Variants in CNTNAP5 observed in about 807,000 individuals in gnomAD.
The protein encoded by CNTNAP5 is contactin associated protein family member 5, also known as contactin-associated protein-like 5.
In CNTNAP5, 72 loss-of-function variants were observed where a neutral mutation model predicts 150.2. The observed-to-expected ratio is 0.48, with a 90% CI of 0.40 to 0.58. The LOEUF (loss-of-function observed/expected upper bound fraction) is 0.58, where lower values mean the gene tolerates loss of function less well. CNTNAP5 is among the 20% of genes least tolerant of loss of function. CNTNAP5 has a pLI of 0.00. For synonymous variants in CNTNAP5, 672 were observed against 619.8 expected (o/e 1.08, Z -1.25); for missense variants, 1,636 against 1,626.2 (o/e 1.01, Z -0.10).
intron 3 of CNTNAP5, among the ~76,000 whole-genome samples, chr2:124,346,019 A>C (rs1466621668): frequency 6.6e-6 from 1 of 152,144 alleles, no homozygotes; most frequent in African/African-American, 2.4e-5. Context: ...CAGTGAGGTG[A>C]GATTCTAAAA....
chr2:124,607,226 T>C (rs1243065286), intron 11 of CNTNAP5, among the ~76,000 whole-genome samples: 2 of 152,138 alleles, frequency 1.3e-5, no homozygotes, highest in Non-Finnish European at 2.9e-5. Flanking sequence ...GGTGGTTCTG[T>C]CTTGGTCTCT....
chr2:124,828,446 A>C (rs1202444057), intron 19 of CNTNAP5, among the ~76,000 whole-genome samples: 9 of 152,084 alleles, frequency 5.9e-5, no homozygotes, highest in Admixed American at 5.9e-4. Flanking sequence ...GTGCCACTGC[A>C]CTCCAGCCTG....
At position 124,434,535 on chromosome 2, in the gene CNTNAP5, A is replaced by T. The variant is rs954089107; in HGVS notation, c.581A>T (p.Asn194Ile). The part of the protein sequence containing the change: ...DGRSSLLYRF[N>I]QKLMSTLKDV... ...CGAAGCTCACTTCTGTACAGGTTCA[A>T]TCAGAAGTTGATGAGTACTCTCAAA... The change falls in exon 5 of 24, where the codon AAT becomes ATT. Residue 194 changes from asparagine (N) to isoleucine (I), a missense_variant. Coordinates refer to ENST00000682447, the MANE Select transcript of CNTNAP5 (RefSeq NM_001367498.1). The T allele has an allele frequency of 6.2e-7, 1 of 1,613,984 alleles. No individual in the cohort carries two copies. Among genetic ancestry groups the T allele is most frequent in the Non-Finnish European group, 8.5e-7 (1 of 1,179,838 alleles).
Position 124,447,012 on chromosome 2 carries a change from C to T in CNTNAP5, c.918+75C>T, listed in dbSNP as rs1014091874. ...CGCAGCAAGAAAATCAGTGAGCAGA[C>T]CAACTGAGAGAAGTGGTGGGGCACT... On this transcript the variant is annotated intron_variant, in intron 6 of 23. Coordinates refer to ENST00000682447, the MANE Select transcript of CNTNAP5 (RefSeq NM_001367498.1). 132 of 1,430,368 alleles carry T rather than the reference C, an allele frequency of 9.2e-5. 1 individual carries two copies. In the Admixed American group the frequency reaches 2.3e-3, roughly 25 times the overall value. 88.6% of individuals were successfully genotyped at this position (1,430,368 alleles called of 1,614,324 possible).
At chr2:124,199,529 C>T (rs1267088769) in intron 1 of CNTNAP5, among the ~76,000 whole-genome samples, 6 of 151,124 alleles carry the variant, frequency 4.0e-5, no homozygotes, top group African/African-American at 1.5e-4. Context: ...GATTCTCCTG[C>T]CTCAGCCTCC....
At chr2:124,801,526 A>G (rs182450911) in intron 19 of CNTNAP5, among the ~76,000 whole-genome samples, 1 of 152,348 alleles carries the variant, frequency 6.6e-6, no homozygotes, top group East Asian at 1.9e-4. Flanking sequence ...AGAAACCATA[A>G]TAACTATCAC....
rs188221807 is a variant in CNTNAP5, at chr2:124,241,268, C to T, written c.188-932C>T. Among the ~76,000 whole-genome samples the T allele has an allele frequency of 3.8e-3, 577 of 152,272 alleles. 4 individuals are homozygous for T. The highest frequency in any genetic ancestry group is 0.013 in the African/African-American group (557 of 41,568). On this transcript the variant is annotated intron_variant, in intron 2 of 23. Coordinates refer to ENST00000682447, the MANE Select transcript of CNTNAP5 (RefSeq NM_001367498.1). ...CCTCAGGTGTGATACATACAAAATT[C>T]TCGGGCCAAAACAGTTTTTGTATGT...
At chr2:124,772,076 C>G (rs1361248943) in intron 16 of CNTNAP5, among the ~76,000 whole-genome samples, 1 of 151,876 alleles carries the variant, frequency 6.6e-6, no homozygotes. Flanking sequence ...ATTATGCCCA[C>G]CACCACCATC....
At chr2:124,186,546 A>G (rs1685336672) in intron 1 of CNTNAP5, among the ~76,000 whole-genome samples, 1 of 152,188 alleles carries the variant, frequency 6.6e-6, no homozygotes, top group Admixed American at 6.5e-5. Context: ...TTTCCCTTTT[A>G]CAACAAAGGC....
intron 1 of CNTNAP5, among the ~76,000 whole-genome samples, chr2:124,136,490 T>C (rs1255976262): frequency 6.6e-6 from 1 of 152,228 alleles, no homozygotes; most frequent in Non-Finnish European, 1.5e-5. Flanking sequence ...TGACACTTAT[T>C]ATACATTAGC....
At chr2:124,641,564 A>G (rs189798809) in intron 12 of CNTNAP5, among the ~76,000 whole-genome samples, 77 of 152,360 alleles carry the variant, frequency 5.1e-4, no homozygotes, top group Middle Eastern at 3.4e-3. Context: ...AGGTAGAGAC[A>G]GTACTTTGAG....
intron 11 of CNTNAP5, among the ~76,000 whole-genome samples, chr2:124,564,348 A>C (rs549362202): frequency 6.6e-6 from 1 of 152,070 alleles, no homozygotes; most frequent in African/African-American, 2.4e-5. Flanking sequence ...TTATTTGTTT[A>C]TTTATTTATT....
intron 3 of CNTNAP5, among the ~76,000 whole-genome samples, chr2:124,393,007 CTTATT>C (rs139793714): frequency 1.0e-3 from 157 of 152,192 alleles, no homozygotes; most frequent in Non-Finnish European, 1.7e-3. Flanking sequence ...ATTTTTAACT[CTTATT>C]TTATTTTATT....
chr2:124,180,180 T>G (rs1685177072), intron 1 of CNTNAP5, among the ~76,000 whole-genome samples: 1 of 152,186 alleles, frequency 6.6e-6, no homozygotes, highest in Non-Finnish European at 1.5e-5. Context: ...TGACAGGATG[T>G]CAAAGAGCCT....
chr2:124,233,389 A>G lies in CNTNAP5; in HGVS notation c.188-8811A>G, dbSNP rs1472646165. 2.0e-5 allele frequency among the ~76,000 whole-genome samples: 3 copies of G among 152,084 alleles called. No individual in the cohort carries two copies. The East Asian group carries it at 5.8e-4, about 29-fold the overall frequency. On this transcript the variant is annotated intron_variant, in intron 2 of 23. Coordinates refer to ENST00000682447, the MANE Select transcript of CNTNAP5 (RefSeq NM_001367498.1). ...TTAGAAATTCTGGCAGTAGAAACCT[A>G]TGTTTTCCCAAGTTCCTTAAGTGAT...
rs560581666 is a variant in CNTNAP5, at chr2:124,564,961, C to T, written c.1756+1638C>T. Reference sequence around the variant, plus strand: ...ACTATCGCTCAGGGACAGTTCTCTCCGGTTTTTCTTAAGTGCCTGCTGTTT... The same window carrying T: ...ACTATCGCTCAGGGACAGTTCTCTCTGGTTTTTCTTAAGTGCCTGCTGTTT... On this transcript the variant is annotated intron_variant, in intron 11 of 23. Coordinates refer to ENST00000682447, the MANE Select transcript of CNTNAP5 (RefSeq NM_001367498.1). Among the ~76,000 whole-genome samples, 41 of 152,250 alleles carry T rather than the reference C, an allele frequency of 2.7e-4. 1 individual carries two copies. The East Asian group carries it at 3.1e-3, about 11-fold the overall frequency.
At chr2:124,362,001 T>C (rs372904215) in intron 3 of CNTNAP5, among the ~76,000 whole-genome samples, 13 of 152,296 alleles carry the variant, frequency 8.5e-5, no homozygotes, top group African/African-American at 3.1e-4. Flanking sequence ...GTGCGGGATA[T>C]AATCTTGTGG....
At chr2:124,313,150 A>G (rs1688877782) in intron 3 of CNTNAP5, among the ~76,000 whole-genome samples, 1 of 152,230 alleles carries the variant, frequency 6.6e-6, no homozygotes, top group Admixed American at 6.5e-5. Context: ...CATCATCGAT[A>G]TGTAACAGTC....
chr2:124,047,695 G>A (rs772196944), intron 1 of CNTNAP5, among the ~76,000 whole-genome samples: 3 of 152,214 alleles, frequency 2.0e-5, no homozygotes, highest in Admixed American at 6.5e-5. Context: ...ATGAAAAAGT[G>A]CAGTCAGTGA....
Sources: gnomAD v4.1 joint callset for allele counts (sites outside exome capture counted in the v4.1 genomes callset) on GRCh38, gnomAD v4.1.1 for gene constraint, MANE v1.5 for transcripts, NCBI Gene and HGNC (gene_info 2026-07-23, HGNC 2026-07-21) for gene names.